Variants in PCDHGA3 observed in about 807,000 individuals in gnomAD.
PCDHGA3 encodes the protein protocadherin gamma subfamily A, 3.
PCDHGA3 carries 40 observed loss-of-function variants against 58.5 expected under a neutral mutation model. The ratio of observed to expected loss-of-function variants is 0.68; its 90% CI spans 0.53 to 0.89. PCDHGA3 has a LOEUF of 0.89. PCDHGA3 is among the 40% of genes least tolerant of loss of function. The pLI, the probability that PCDHGA3 is intolerant of heterozygous loss-of-function variation, is 0.00. For synonymous variants in PCDHGA3, 530 were observed against 525.7 expected (o/e 1.01, Z -0.11); for missense variants, 1,223 against 1,195.9 (o/e 1.02, Z -0.33).
intron 1 of PCDHGA3, among the ~76,000 whole-genome samples, chr5:141,479,041 C>T (rs1346986831): frequency 1.2e-4 from 18 of 152,100 alleles, no homozygotes; most frequent in Admixed American, 1.2e-3. Flanking sequence ...AGATCGTGTA[C>T]CTCATTCTCA....
At chr5:141,467,134 C>T (rs905270517) in intron 1 of PCDHGA3, among the ~76,000 whole-genome samples, 19 of 151,750 alleles carry the variant, frequency 1.3e-4, no homozygotes, top group African/African-American at 4.6e-4. Flanking sequence ...CTCACTGCAA[C>T]CTCTGCCTCC....
At chr5:141,415,738 AGGTTTTT>A in intron 1 of PCDHGA3, 2 of 538,082 alleles carry the variant, frequency 3.7e-6, no homozygotes, top group Non-Finnish European at 5.4e-6. Flanking sequence ...ATGTTTATTA[AGGTTTTT>A]TTTTTTTTTT....
rs1596259997 is a variant in PCDHGA3, at chr5:141,509,990, A to G, written c.2573-957A>G. Among the ~76,000 whole-genome samples the G allele has an allele frequency of 2.6e-5, 4 of 152,266 alleles. No individual in the cohort carries two copies. The South Asian group carries it at 8.3e-4, about 32-fold the overall frequency. ...GGTCCTTCTAACACTTGGTTCCCTC[A>G]TCTGTAAAATGAGGGTCATACCACA... is the stretch of plus-strand genomic sequence containing the variant. On this transcript the variant is annotated intron_variant, in intron 3 of 3. Transcript: ENST00000253812.
chr5:141,478,319 T>A, intron 1 of PCDHGA3: 4 of 1,614,052 alleles, frequency 2.5e-6, no homozygotes, highest in Non-Finnish European at 3.4e-6. Flanking sequence ...GAGCTCACTG[T>A]ACCGAACACC....
chr5:141,499,996 C>A (rs1246090346), intron 2 of PCDHGA3, among the ~76,000 whole-genome samples: 2 of 151,572 alleles, frequency 1.3e-5, no homozygotes, highest in Non-Finnish European at 2.9e-5. Flanking sequence ...CCAGATGATT[C>A]TTTCATAAGG....
chr5:141,408,021 A>C (rs2095027284), intron 1 of PCDHGA3: 1 of 1,036,444 alleles, frequency 9.6e-7, no homozygotes, highest in Non-Finnish European at 1.3e-6. Context: ...AGCCAACAAC[A>C]GAAAGAAGAA....
rs1316631653 is a variant in PCDHGA3 at position 141,388,751 on chromosome 5, A to G, written c.2424+42294A>G. The G allele has an allele frequency of 4.3e-6, 7 of 1,613,980 alleles. No homozygotes were observed. In the Admixed American group the frequency reaches 5.0e-5, roughly 12 times the overall value. ...TCAGTGAAGCTAGCCAGATCACCCAATTTGACCTGAACTCTAACACCGGGG... is the reference window on the plus strand; with the variant it reads ...TCAGTGAAGCTAGCCAGATCACCCAGTTTGACCTGAACTCTAACACCGGGG... On this transcript the variant is annotated intron_variant, in intron 1 of 3. Coordinates refer to ENST00000253812, the MANE Select transcript of PCDHGA3 (RefSeq NM_018916.4).
At chr5:141,401,296 C>A (rs2094138441) in intron 1 of PCDHGA3, among the ~76,000 whole-genome samples, 1 of 152,104 alleles carries the variant, frequency 6.6e-6, no homozygotes, top group Non-Finnish European at 1.5e-5. Flanking sequence ...GAGCCGAGAT[C>A]ACTCCATTGC....
In PCDHGA3 at chr5:141,477,844, G is replaced by A. The variant is rs748180474; in HGVS notation, c.2425-16963G>A. On this transcript the variant is annotated intron_variant, in intron 1 of 3. Coordinates refer to ENST00000253812, the MANE Select transcript of PCDHGA3 (RefSeq NM_018916.4). This position sits in a 1 kb window ranked among gnomAD's most constrained non-coding sequence, Gnocchi z 4.9. ...TATATCCTCGGCCAGGTGGGAGCTC[G>A]GTGGAGATGCTGCCTCGAGGTACCT... The A allele has an allele frequency of 6.2e-7, 1 of 1,613,394 alleles. No individual in the cohort carries two copies.
intron 1 of PCDHGA3, among the ~76,000 whole-genome samples, chr5:141,492,337 C>T (rs559700346): frequency 1.0e-3 from 158 of 152,324 alleles, no homozygotes; most frequent in African/African-American, 3.7e-3. Flanking sequence ...TACGCGAATA[C>T]CAGCTTTCAC....
At chr5:141,394,459 G>T (rs761612403) in intron 1 of PCDHGA3, 1 of 1,614,238 alleles carries the variant, frequency 6.2e-7, no homozygotes, top group Non-Finnish European at 8.5e-7. Context: ...ATGTCACTGA[G>T]CCTGTTCGTG....
chr5:141,433,209 T>A, intron 1 of PCDHGA3: 3 of 465,024 alleles, frequency 6.5e-6, no homozygotes, highest in South Asian at 1.0e-4. Context: ...ATCTTCTTTC[T>A]TTTTTTTTTT....
At chr5:141,376,753 C>A in intron 1 of PCDHGA3, 1 of 450,078 alleles carries the variant, frequency 2.2e-6, no homozygotes, top group South Asian at 2.7e-5. Flanking sequence ...GTGGCGCAAT[C>A]TCGGCTCACT....
intron 1 of PCDHGA3, among the ~76,000 whole-genome samples, chr5:141,494,039 G>A (rs901795348): frequency 2.0e-5 from 3 of 152,144 alleles, no homozygotes; most frequent in Non-Finnish European, 4.4e-5. Context: ...GACTTAGTTG[G>A]CCCTGCTTGG....
chr5:141,502,601 A>G (rs2099815205), intron 2 of PCDHGA3, among the ~76,000 whole-genome samples: 1 of 152,218 alleles, frequency 6.6e-6, no homozygotes, highest in Non-Finnish European at 1.5e-5. Flanking sequence ...ATATTTTAAA[A>G]TATTTGTGAA....
At position 141,352,718 on chromosome 5, in the gene PCDHGA3, G is replaced by A. The variant is rs374695634; in HGVS notation, c.2424+6261G>A. ...AATTTTATATATGGCGGCCGGGCGC[G>A]GTGGCTCAAGCCTGTAATCCCAGCA... On this transcript the variant is annotated intron_variant, in intron 1 of 3. Coordinates refer to ENST00000253812, the MANE Select transcript of PCDHGA3 (RefSeq NM_018916.4). 1.2e-5 allele frequency: 18 copies of A among 1,536,310 alleles called. No homozygotes were observed. In the African/African-American group the frequency reaches 1.2e-4, roughly 11 times the overall value.
chr5:141,377,241 ATTTGTAAGGTTCTTTCTTT>A (rs1413175738), intron 1 of PCDHGA3: 3 of 151,708 alleles, frequency 2.0e-5, no homozygotes, highest in Non-Finnish European at 4.4e-5. Context: ...ACTATGTGAC[ATTTGTAAGGTTCTTTCTTT>A]TTCTAATGTG....
In PCDHGA3 at chr5:141,486,752, C is replaced by G. The variant is rs776406247; in HGVS notation, c.2425-8055C>G. On this transcript the variant is annotated intron_variant, in intron 1 of 3. Transcript: ENST00000253812. The surrounding 1 kb of genome is among the most constrained non-coding windows in gnomAD (Gnocchi z 5.0). ...TGCTACTCGATCCTTTGACTATGAG[C>G]AAACCCAGACACTGCAGTTTGAGGT... 6.2e-7 allele frequency: 1 copy of G among 1,614,244 alleles called. No individual in the cohort carries two copies. The highest frequency in any genetic ancestry group is 1.3e-5 in the African/African-American group (1 of 75,080).
At position 141,351,014 on chromosome 5, in the gene PCDHGA3, G is replaced by T. The variant is rs1758618742; in HGVS notation, c.2424+4557G>T. ...ATACAGGGTTAGCCTCCAAGAAAAC[G>T]TACCGTGGGGAACCTCCGTGCTGCG... On this transcript the variant is annotated intron_variant, in intron 1 of 3. Transcript: ENST00000253812. 3 of 1,614,060 alleles carry T rather than the reference G, an allele frequency of 1.9e-6. No homozygotes were observed. In the East Asian group the frequency reaches 6.7e-5, roughly 36 times the overall value.
Sources: allele counts gnomAD v4.1 joint callset (sites outside exome capture counted in the v4.1 genomes callset), GRCh38; gene constraint gnomAD v4.1.1; non-coding constraint Gnocchi (gnomAD v3.1); transcripts MANE v1.5; gene names NCBI Gene and HGNC (gene_info 2026-07-23, HGNC 2026-07-21).